Variants in PCDH15 observed in about 807,000 individuals in gnomAD.
The protein encoded by PCDH15 is protocadherin related 15, also known as protocadherin-15.
A neutral mutation model predicts 178.5 loss-of-function variants in PCDH15; 129 were observed. The ratio of observed to expected loss-of-function variants is 0.72; its 90% CI spans 0.63 to 0.84. The LOEUF (loss-of-function observed/expected upper bound fraction) is 0.84, where lower values mean the gene tolerates loss of function less well. Among genes scored for constraint, PCDH15 ranks in the 40% least tolerant of loss-of-function variants. PCDH15 has a pLI of 0.00. For missense variants in PCDH15, 2,230 were observed against 2,099.9 expected (o/e 1.06, Z -1.21); for synonymous variants, 800 against 732.0 (o/e 1.09, Z -1.50).
intron 9 of PCDH15, among the ~76,000 whole-genome samples, chr10:54,222,661 A>G (rs1205935736): frequency 6.6e-6 from 1 of 152,204 alleles, no homozygotes; most frequent in Non-Finnish European, 1.5e-5. Flanking sequence ...ATTGTCAGTC[A>G]TTTAAATTTT....
At chr10:54,355,120 C>CA (rs770404490) in intron 5 of PCDH15, among the ~76,000 whole-genome samples, 4,314 of 69,638 alleles carry the variant, frequency 0.062, 605 homozygotes, top group African/African-American at 0.19. Context: ...AGGAGGATTG[C>CA]AAAAAAAAAA....
chr10:54,610,802 G>T (rs745949895), intron 2 of PCDH15, among the ~76,000 whole-genome samples: 1 of 151,822 alleles, frequency 6.6e-6, no homozygotes. Flanking sequence ...TGAGTTAATG[G>T]ATCAGCTTTT....
At chr10:54,520,122 C>T (rs1451013345) in intron 3 of PCDH15, among the ~76,000 whole-genome samples, 5 of 152,094 alleles carry the variant, frequency 3.3e-5, no homozygotes, top group Admixed American at 3.3e-4. Context: ...AGAAGAAAAC[C>T]TAGGCAATAC....
At chr10:54,250,078 T>TA (rs1299227671) in intron 8 of PCDH15, among the ~76,000 whole-genome samples, 56 of 121,968 alleles carry the variant, frequency 4.6e-4, no homozygotes, top group Middle Eastern at 3.9e-3. Flanking sequence ...CACATCCGGC[T>TA]TTTTTTTTTT....
chr10:53,975,739 T>C (rs2090133091), intron 21 of PCDH15, among the ~76,000 whole-genome samples: 1 of 152,174 alleles, frequency 6.6e-6, no homozygotes, highest in Non-Finnish European at 1.5e-5. Flanking sequence ...ACTTTGTTGA[T>C]AGTCTCTTCG....
chr10:54,990,318 T>C (rs1839469954), intron 2 of PCDH15, among the ~76,000 whole-genome samples: 1 of 152,086 alleles, frequency 6.6e-6, no homozygotes, highest in African/African-American at 2.4e-5. Flanking sequence ...AAATGACACA[T>C]CACATTTCAA....
chr10:55,015,705 G>A (rs1473162933), intron 2 of PCDH15, among the ~76,000 whole-genome samples: 1 of 152,132 alleles, frequency 6.6e-6, no homozygotes, highest in African/African-American at 2.4e-5. Flanking sequence ...GAAACCACAG[G>A]AGAAGGTTGT....
chr10:55,348,679 CTT>C (rs766141692), intron 2 of PCDH15, among the ~76,000 whole-genome samples: 1 of 152,050 alleles, frequency 6.6e-6, no homozygotes, highest in Non-Finnish European at 1.5e-5. Context: ...AAAATAAAAA[CTT>C]TAAGGATGTC....
intron 2 of PCDH15, among the ~76,000 whole-genome samples, chr10:55,146,105 G>T (rs1276560221): frequency 1.3e-5 from 2 of 151,938 alleles, no homozygotes; most frequent in African/African-American, 4.8e-5. Flanking sequence ...TTTTGGCTGT[G>T]CCAAGCACTA....
intron 25 of PCDH15, among the ~76,000 whole-genome samples, chr10:53,911,328 T>C (rs966072418): frequency 6.6e-6 from 1 of 152,122 alleles, no homozygotes; most frequent in Non-Finnish European, 1.5e-5. Flanking sequence ...CATAACTACA[T>C]GGAAACTGAA....
At chr10:55,446,326 T>TATATAA (rs951823936) in intron 2 of PCDH15, among the ~76,000 whole-genome samples, 5 of 151,416 alleles carry the variant, frequency 3.3e-5, no homozygotes, top group East Asian at 1.9e-4. Context: ...TATATATATA[T>TATATAA]AAAACATTCT....
chr10:54,713,254 G>T (rs2095444444), intron 1 of PCDH15, among the ~76,000 whole-genome samples: 1 of 151,806 alleles, frequency 6.6e-6, no homozygotes, highest in South Asian at 2.1e-4. Flanking sequence ...CACAGGGCCT[G>T]ATTTCAAGTT....
intron 32 of PCDH15, chr10:53,822,662 A>C (rs1564535857): frequency 6.2e-7 from 1 of 1,614,118 alleles, no homozygotes. Flanking sequence ...AACTGATGAC[A>C]TTAGGTTCTG....
intron 3 of PCDH15, among the ~76,000 whole-genome samples, chr10:54,817,248 T>A (rs1469425095): frequency 6.6e-6 from 1 of 152,050 alleles, no homozygotes; most frequent in Non-Finnish European, 1.5e-5. Context: ...TGAATAATAG[T>A]CTTAGAAGCT....
chr10:55,017,525 C>G lies in PCDH15; in HGVS notation c.-79-120025G>C, dbSNP rs568506462. 5.9e-5 allele frequency among the ~76,000 whole-genome samples: 9 copies of G among 152,124 alleles called. No individual in the cohort carries two copies. The East Asian group carries it at 1.5e-3, about 26-fold the overall frequency. On this transcript the variant is annotated intron_variant, in intron 2 of 5. Coordinates refer to the PCDH15 transcript ENST00000458638. ...AAATAATAACTGGAAACATTTCTAC[C>G]ATAAAAATACATTTTGTTGCCTGAC...
At chr10:54,405,294 C>T (rs1426283021) in intron 3 of PCDH15, among the ~76,000 whole-genome samples, 1 of 151,984 alleles carries the variant, frequency 6.6e-6, no homozygotes, top group Non-Finnish European at 1.5e-5. Flanking sequence ...AAATGTGGTA[C>T]ATAAACCAAA....
At chr10:54,538,494 T>C (rs1022225773) in intron 2 of PCDH15, among the ~76,000 whole-genome samples, 1 of 152,196 alleles carries the variant, frequency 6.6e-6, no homozygotes, top group Non-Finnish European at 1.5e-5. Context: ...CAATAACATG[T>C]TTTGTTACCA....
intron 1 of PCDH15, among the ~76,000 whole-genome samples, chr10:54,762,782 C>A (rs1948053837): frequency 6.6e-6 from 1 of 151,996 alleles, no homozygotes; most frequent in Non-Finnish European, 1.5e-5. Flanking sequence ...AAAGTGCAAT[C>A]ATAAAAACAA....
intron 15 of PCDH15, among the ~76,000 whole-genome samples, chr10:54,096,532 T>C (rs1292224045): frequency 1.3e-5 from 2 of 152,184 alleles, no homozygotes; most frequent in African/African-American, 4.8e-5. Context: ...AAAATGCTAA[T>C]GACTTCAAAA....
Sources: allele counts gnomAD v4.1 joint callset (sites outside exome capture counted in the v4.1 genomes callset), GRCh38; gene constraint gnomAD v4.1.1; transcripts MANE v1.5; gene names NCBI Gene and HGNC (gene_info 2026-07-23, HGNC 2026-07-21).